The following PSTPIP2 variants were observed in gnomAD, a reference collection of about 807,000 sequenced individuals.
PSTPIP2 encodes proline-serine-threonine phosphatase interacting protein 2.
A neutral mutation model predicts 63.3 loss-of-function variants in PSTPIP2; 33 were observed. The observed-to-expected ratio is 0.52, with a 90% CI of 0.40 to 0.70. The LOEUF (loss-of-function observed/expected upper bound fraction) is 0.70, where lower values mean the gene tolerates loss of function less well. Ranked by LOEUF, PSTPIP2 falls within the 30% of genes least tolerant of loss-of-function variation. The pLI is 0.00. For synonymous variants in PSTPIP2, 125 were observed against 132.7 expected (o/e 0.94, Z 0.40); for missense variants, 312 against 400.7 (o/e 0.78, Z 1.89).
intron 4 of PSTPIP2, 112 bp downstream of exon 4, chr18:46,015,791 A>AT: frequency 4.8e-5 from 60 of 1,240,100 alleles, no homozygotes; most frequent in Admixed American, 7.1e-5. Context: ...AGTTGCTCTA[A>AT]TTTTTTTTCA....
intron 4 of PSTPIP2, among the ~76,000 whole-genome samples, chr18:46,014,889 A>G (rs1350811842): frequency 2.0e-5 from 3 of 152,122 alleles, no homozygotes; most frequent in Non-Finnish European, 4.4e-5. Context: ...AAATATGGAT[A>G]TGTACATTCT....
rs1908940390 is a variant in PSTPIP2, at chr18:46,060,209, T to A, written c.33+11947A>T. On this transcript the variant is annotated intron_variant, in intron 1 of 14. Transcript: ENST00000409746. ...CCTGGTGCTTGTTTTAAATCATAAT[T>A]TTTAGTGATTAGGGACTCTATTTCA... 2.0e-5 allele frequency among the ~76,000 whole-genome samples: 3 copies of A among 152,206 alleles called. No homozygotes were observed. In the South Asian group the frequency reaches 6.2e-4, roughly 31 times the overall value.
rs557922313 is a variant in PSTPIP2 at position 46,068,355 on chromosome 18, T to C, written c.33+3801A>G. Among the ~76,000 whole-genome samples, 105 of 152,210 alleles carry C rather than the reference T, an allele frequency of 6.9e-4. 1 individual carries two copies. The highest frequency in any genetic ancestry group is 3.4e-3 in the Middle Eastern group (1 of 294). On this transcript the variant is annotated intron_variant, in intron 1 of 14. Coordinates refer to ENST00000409746, the MANE Select transcript of PSTPIP2 (RefSeq NM_024430.4). ...CTCTGTCGCCCAGGCTGGAGTGCAATGGCACGATCTCAGCTCACTGCAAGC... is the reference window on the plus strand; with the variant it reads ...CTCTGTCGCCCAGGCTGGAGTGCAACGGCACGATCTCAGCTCACTGCAAGC...
At chr18:45,989,576 C>A (rs1336862684) in intron 13 of PSTPIP2, 1 of 152,508 alleles carries the variant, frequency 6.6e-6, no homozygotes, top group Non-Finnish European at 1.5e-5. Flanking sequence ...ATAGGTATAT[C>A]TTTTCTTTAC....
intron 1 of PSTPIP2, among the ~76,000 whole-genome samples, chr18:46,043,600 G>A (rs59435352): frequency 0.012 from 1,783 of 152,266 alleles, 35 homozygotes; most frequent in African/African-American, 0.041. Context: ...CAGGAACAAG[G>A]CAACGATGTC....
intron 6 of PSTPIP2, among the ~76,000 whole-genome samples, chr18:46,001,419 G>A (rs569413265): frequency 7.2e-5 from 11 of 152,152 alleles, no homozygotes; most frequent in South Asian, 2.1e-4. Context: ...ACTCAGATCC[G>A]TTGCCCATTT....
At chr18:46,027,410 A>C (rs1907621622) in intron 2 of PSTPIP2, among the ~76,000 whole-genome samples, 1 of 151,756 alleles carries the variant, frequency 6.6e-6, no homozygotes, top group African/African-American at 2.4e-5. Flanking sequence ...AATAGCTTGG[A>C]CTGGTGTTGT....
Position 46,054,911 on chromosome 18 carries a change from C to T in PSTPIP2, c.34-14864G>A, listed in dbSNP as rs111806665. Among the ~76,000 whole-genome samples, 871 of 152,156 alleles carry T rather than the reference C, an allele frequency of 5.7e-3. 17 individuals are homozygous for T. The highest frequency in any genetic ancestry group is 0.032 in the Admixed American group (492 of 15,266). On this transcript the variant is annotated intron_variant, in intron 1 of 14. Coordinates refer to ENST00000409746, the MANE Select transcript of PSTPIP2 (RefSeq NM_024430.4). Reference sequence around the variant, plus strand: ...TGACCTCGTTATCCACCCGCCTCAGCCTCCCAAAAACCTACTAATTTTTAA... The same window carrying T: ...TGACCTCGTTATCCACCCGCCTCAGTCTCCCAAAAACCTACTAATTTTTAA...
At position 45,985,635 on chromosome 18, in the gene PSTPIP2, T is replaced by C. The variant is rs1490513256; in HGVS notation, c.*9-185A>G. 2.6e-5 allele frequency among the ~76,000 whole-genome samples: 4 copies of C among 152,198 alleles called. No individual in the cohort carries two copies. In the East Asian group the frequency reaches 7.7e-4, roughly 29 times the overall value. On this transcript the variant is annotated intron_variant, in intron 14 of 14. Coordinates refer to ENST00000409746, the MANE Select transcript of PSTPIP2 (RefSeq NM_024430.4). ...AACAGCATTGCTTTATGGTAAATAA[T>C]ACATACATTTACATTTTTATACATA...
chr18:46,068,935 G>A (rs980590771), intron 1 of PSTPIP2, among the ~76,000 whole-genome samples: 1 of 152,112 alleles, frequency 6.6e-6, no homozygotes, highest in Non-Finnish European at 1.5e-5. Flanking sequence ...TGACAGCAGG[G>A]CAATGAGCCA....
rs768718171 is a variant in PSTPIP2 at position 46,072,205 on chromosome 18, G to C, written c.-17C>G. On this transcript the variant is annotated 5_prime_UTR_variant, in exon 1 of 15. Coordinates refer to ENST00000409746, the MANE Select transcript of PSTPIP2 (RefSeq NM_024430.4). ...GCGCGTCATCGCAGCGCGAGTGGGGGCGCGGAGGAGAGCCGGGCCGCAGGT... is the reference window on the plus strand; with the variant it reads ...GCGCGTCATCGCAGCGCGAGTGGGGCCGCGGAGGAGAGCCGGGCCGCAGGT... The C allele has an allele frequency of 6.5e-7, 1 of 1,534,490 alleles. No homozygotes were observed. Among genetic ancestry groups the C allele is most frequent in the African/African-American group, 1.4e-5 (1 of 71,000 alleles).
At chr18:46,053,925 G>A (rs1021827580) in intron 1 of PSTPIP2, among the ~76,000 whole-genome samples, 1 of 152,174 alleles carries the variant, frequency 6.6e-6, no homozygotes, top group Non-Finnish European at 1.5e-5. Flanking sequence ...ATGGGGATAC[G>A]TTGTAAGAAA....
At chr18:46,041,847 T>C (rs939333700) in intron 1 of PSTPIP2, among the ~76,000 whole-genome samples, 1 of 152,110 alleles carries the variant, frequency 6.6e-6, no homozygotes, top group Non-Finnish European at 1.5e-5. Context: ...ATCCACGCCA[T>C]CCCAGCCAAA....
At chr18:46,060,725 CT>C (rs1471872259) in intron 1 of PSTPIP2, among the ~76,000 whole-genome samples, 1 of 152,220 alleles carries the variant, frequency 6.6e-6, no homozygotes, top group Non-Finnish European at 1.5e-5. Flanking sequence ...AGGCTTCCAG[CT>C]TCCCCATGTG....
At chr18:46,042,715 G>A (rs1039833578) in intron 1 of PSTPIP2, among the ~76,000 whole-genome samples, 8 of 152,154 alleles carry the variant, frequency 5.3e-5, no homozygotes, top group African/African-American at 1.7e-4. Flanking sequence ...TGTCAAAACC[G>A]GTTTGTAGAC....
chr18:46,040,147 G>C, intron 1 of PSTPIP2, 100 bp from the exon 2 acceptor site: 4 of 958,006 alleles, frequency 4.2e-6, no homozygotes, highest in Non-Finnish European at 6.2e-6. Context: ...GCCACGGAAC[G>C]TTGCTGACTC....
In PSTPIP2 at chr18:46,050,368, G is replaced by A. The variant is rs1026679869; in HGVS notation, c.34-10321C>T. Among the ~76,000 whole-genome samples the A allele has an allele frequency of 1.4e-3, 211 of 152,098 alleles. 1 individual carries two copies. Among genetic ancestry groups the A allele is most frequent in the Non-Finnish European group, 3.1e-4 (21 of 68,006 alleles). Reference sequence around the variant, plus strand: ...GCGGTTCACTTGAGCCCAGGAGTTCGCGACAAGCCTAAGAAACATGGCAAA... The same window carrying A: ...GCGGTTCACTTGAGCCCAGGAGTTCACGACAAGCCTAAGAAACATGGCAAA... On this transcript the variant is annotated intron_variant, in intron 1 of 14. Coordinates refer to ENST00000409746, the MANE Select transcript of PSTPIP2 (RefSeq NM_024430.4).
intron 2 of PSTPIP2, chr18:46,028,474 G>A (rs750355309): frequency 1.6e-6 from 1 of 613,390 alleles, no homozygotes; most frequent in Non-Finnish European, 3.1e-6. Flanking sequence ...GTGGAGTGGT[G>A]CCTGGAGGAG....
chr18:46,064,201 A>G (rs183779446), intron 1 of PSTPIP2, among the ~76,000 whole-genome samples: 48 of 142,806 alleles, frequency 3.4e-4, no homozygotes, highest in Middle Eastern at 4.0e-3. Context: ...ACTGAATCCT[A>G]TTTATACAGA....
Sources: gnomAD v4.1 joint callset for allele counts (sites outside exome capture counted in the v4.1 genomes callset) on GRCh38, gnomAD v4.1.1 for gene constraint, MANE v1.5 for transcripts, NCBI Gene and HGNC (gene_info 2026-07-23, HGNC 2026-07-21) for gene names.